Variants in CSMD1 observed in about 807,000 individuals in gnomAD.
CSMD1 encodes CUB and Sushi multiple domains 1.
Under a neutral mutation model 417.5 loss-of-function variants are expected in CSMD1, and 213 were observed. The ratio of observed to expected loss-of-function variants is 0.51; its 90% CI spans 0.46 to 0.57. The LOEUF is 0.57. Ranked by LOEUF, CSMD1 falls within the 20% of genes least tolerant of loss-of-function variation. The pLI, the probability that CSMD1 is intolerant of heterozygous loss-of-function variation, is 0.00. For missense variants in CSMD1, 6,923 were observed against 4,529.7 expected (o/e 1.53, Z -15.17); for synonymous variants, 2,862 against 1,736.8 (o/e 1.65, Z -16.11).
Position 3,281,408 on chromosome 8 carries a change from C to T in CSMD1, c.4153+2736G>A, listed in dbSNP as rs570206858. Among the ~76,000 whole-genome samples the T allele has an allele frequency of 1.7e-3, 252 of 152,212 alleles. 1 individual carries two copies. The highest frequency in any genetic ancestry group is 5.9e-3 in the African/African-American group (244 of 41,544). On this transcript the variant is annotated intron_variant, in intron 26 of 69. Transcript: ENST00000635120. ...CCAGTGAGCCAAGATCATGCCACTGCACTCCAGCCTGGGCGACAAAGCAAG... is the reference window on the plus strand; with the variant it reads ...CCAGTGAGCCAAGATCATGCCACTGTACTCCAGCCTGGGCGACAAAGCAAG...
At chr8:4,215,203 C>G (rs531367765) in intron 3 of CSMD1, among the ~76,000 whole-genome samples, 1 of 152,298 alleles carries the variant, frequency 6.6e-6, no homozygotes, top group African/African-American at 2.4e-5. Context: ...AAAGGCTTAA[C>G]CAGCTGCGAC....
intron 5 of CSMD1, among the ~76,000 whole-genome samples, chr8:3,918,259 G>C (rs1333214906): frequency 1.3e-5 from 2 of 152,002 alleles, no homozygotes; most frequent in South Asian, 4.1e-4. Flanking sequence ...TGTTGTTGTT[G>C]TTGTTTTTAG....
intron 2 of CSMD1, among the ~76,000 whole-genome samples, chr8:4,626,234 G>A (rs540897215): frequency 1.3e-5 from 2 of 152,238 alleles, no homozygotes; most frequent in East Asian, 1.9e-4. Context: ...CCTGCATGAA[G>A]CAATCCCTTG....
intron 23 of CSMD1, among the ~76,000 whole-genome samples, chr8:3,341,587 G>T (rs1475842890): frequency 5.3e-5 from 8 of 152,150 alleles, no homozygotes; most frequent in Admixed American, 2.0e-4. Flanking sequence ...ATCGCAAATT[G>T]CAGCAGTGTT....
intron 6 of CSMD1, among the ~76,000 whole-genome samples, chr8:3,735,617 C>T (rs1796488934): frequency 1.3e-5 from 2 of 152,192 alleles, no homozygotes; most frequent in African/African-American, 4.8e-5. Context: ...ACTCTCTCCA[C>T]AGGTAAGTCT....
intron 7 of CSMD1, among the ~76,000 whole-genome samples, chr8:3,644,752 G>C (rs916030171): frequency 1.3e-5 from 2 of 152,026 alleles, no homozygotes; most frequent in African/African-American, 4.8e-5. Flanking sequence ...CCAGCAGACA[G>C]AATTGCAGAA....
intron 54 of CSMD1, among the ~76,000 whole-genome samples, chr8:2,996,917 A>C (rs1806947064): frequency 6.6e-6 from 1 of 152,202 alleles, no homozygotes. Context: ...TTGGAGGGAG[A>C]CCATGTTTGG....
intron 2 of CSMD1, among the ~76,000 whole-genome samples, chr8:4,581,558 G>A (rs1799418954): frequency 2.0e-5 from 3 of 152,142 alleles, no homozygotes; most frequent in South Asian, 4.1e-4. Flanking sequence ...AGCCAGCATT[G>A]TAAAAAATAC....
At position 4,994,244 on chromosome 8, in the gene CSMD1, C is replaced by G. The variant is rs568376369; in HGVS notation, c.85+88G>C. 345 of 1,216,754 alleles carry G rather than the reference C, an allele frequency of 2.8e-4. No individual in the cohort carries two copies. The East Asian group carries it at 8.0e-3, about 28-fold the overall frequency. 75.4% of individuals were successfully genotyped at this position (1,216,754 alleles called of 1,614,324 possible). A position where few individuals can be genotyped will look rare whatever the true frequency, so the allele number is the denominator to read the frequency against. ...CGGGCAGAGGCGGCCACTCCGTACC[C>G]TGCGGTCCCCAAAACGCACACTCGC... is the stretch of plus-strand genomic sequence containing the variant. On this transcript the variant is annotated intron_variant, in intron 1 of 69. Coordinates refer to ENST00000635120, the MANE Select transcript of CSMD1 (RefSeq NM_033225.6).
At chr8:3,105,763 G>T (rs1000516909) in intron 46 of CSMD1, among the ~76,000 whole-genome samples, 1 of 152,188 alleles carries the variant, frequency 6.6e-6, no homozygotes, top group Non-Finnish European at 1.5e-5. Context: ...AAAACGAAAT[G>T]ATATTCAAAA....
At chr8:4,546,862 T>A (rs1797661515) in intron 2 of CSMD1, among the ~76,000 whole-genome samples, 2 of 152,034 alleles carry the variant, frequency 1.3e-5, no homozygotes, top group Admixed American at 1.3e-4. Flanking sequence ...TATATGTATA[T>A]CCTATCTGTA....
intron 1 of CSMD1, among the ~76,000 whole-genome samples, chr8:4,831,544 G>A (rs1027359338): frequency 1.1e-4 from 17 of 152,116 alleles, no homozygotes; most frequent in Admixed American, 5.9e-4. Flanking sequence ...AGAAGATAAT[G>A]TGTCTCCAAG....
chr8:4,145,885 G>C (rs892989080), intron 3 of CSMD1, among the ~76,000 whole-genome samples: 1 of 151,048 alleles, frequency 6.6e-6, no homozygotes, highest in Non-Finnish European at 1.5e-5. Context: ...TCAAAATCAT[G>C]TCTTGCTCAA....
At chr8:4,007,054 G>T (rs903149485) in intron 4 of CSMD1, among the ~76,000 whole-genome samples, 6 of 151,810 alleles carry the variant, frequency 4.0e-5, no homozygotes, top group East Asian at 1.9e-4. Context: ...TAGCCAGGAT[G>T]GTCTCGATCT....
chr8:4,486,158 CAT>C (rs1285975336), intron 2 of CSMD1, among the ~76,000 whole-genome samples: 3 of 17,882 alleles, frequency 1.7e-4, no homozygotes, highest in Non-Finnish European at 2.4e-4. Flanking sequence ...TATATATATA[CAT>C]ACATATATAT....
chr8:4,588,370 G>GAGACAGAGATAAAGAACTATCTCATAA (rs200973816), intron 2 of CSMD1, among the ~76,000 whole-genome samples: 1 of 149,960 alleles, frequency 6.7e-6, no homozygotes, highest in Non-Finnish European at 1.5e-5. Flanking sequence ...ATGCTATCTA[G>GAGACAGAGATAAAGAACTATCTCATAA]AGACAGAGAT....
chr8:3,074,412 G>C (rs1237507014), intron 49 of CSMD1, among the ~76,000 whole-genome samples: 1 of 152,170 alleles, frequency 6.6e-6, no homozygotes, highest in East Asian at 1.9e-4. Context: ...ATAGGGAGCT[G>C]TCTACCCAGG....
intron 5 of CSMD1, among the ~76,000 whole-genome samples, chr8:3,987,718 AC>A (rs1339001762): frequency 6.6e-6 from 1 of 152,220 alleles, no homozygotes; most frequent in East Asian, 1.9e-4. Flanking sequence ...GAACGAGGTC[AC>A]TAGCAGCATA....
chr8:4,165,950 C>A (rs1797433187), intron 3 of CSMD1, among the ~76,000 whole-genome samples: 1 of 152,200 alleles, frequency 6.6e-6, no homozygotes, highest in African/African-American at 2.4e-5. Flanking sequence ...TCTTACTCTT[C>A]AAGGTGTCAC....
Sources: allele counts gnomAD v4.1 joint callset (sites outside exome capture counted in the v4.1 genomes callset), GRCh38; gene constraint gnomAD v4.1.1; transcripts MANE v1.5; gene names NCBI Gene and HGNC (gene_info 2026-07-23, HGNC 2026-07-21).